GALNT17: variants seen among roughly 807,000 people sequenced by gnomAD.
GALNT17 encodes polypeptide N-acetylgalactosaminyltransferase 17.
Under a neutral mutation model 63.7 loss-of-function variants are expected in GALNT17, and 29 were observed. That is an observed-to-expected ratio of 0.46 (90% CI 0.34 to 0.62). The LOEUF (loss-of-function observed/expected upper bound fraction) is 0.62. Ranked by LOEUF, GALNT17 falls within the 20% of genes least tolerant of loss-of-function variation. The pLI is 0.01. For synonymous variants in GALNT17, 305 were observed against 318.3 expected (o/e 0.96, Z 0.45); for missense variants, 603 against 799.6 (o/e 0.75, Z 2.97).
At chr7:71,496,969 T>G (rs988200994) in intron 5 of GALNT17, among the ~76,000 whole-genome samples, 5 of 151,612 alleles carry the variant, frequency 3.3e-5, no homozygotes, top group African/African-American at 1.2e-4. Context: ...TCCCAGCTAC[T>G]CAGGAGGCTG....
intron 1 of GALNT17, among the ~76,000 whole-genome samples, chr7:71,176,117 T>C (rs1013131424): frequency 6.6e-6 from 1 of 152,042 alleles, no homozygotes; most frequent in Admixed American, 6.6e-5. Flanking sequence ...ACATGTGGCC[T>C]GGGATCCTTC....
rs550600734 is a variant in GALNT17, at chr7:71,524,268, A to G, written c.963-47017A>G. Reference sequence around the variant, plus strand: ...TAATAATATATATTATATTATATATAATTATATATTATCATATTAGTATAT... The same window carrying G: ...TAATAATATATATTATATTATATATGATTATATATTATCATATTAGTATAT... On this transcript the variant is annotated intron_variant, in intron 5 of 10. Coordinates refer to ENST00000333538, the MANE Select transcript of GALNT17 (RefSeq NM_022479.3). Among the ~76,000 whole-genome samples the G allele has an allele frequency of 6.4e-4, 95 of 147,664 alleles. 1 individual carries two copies. In the South Asian group the frequency reaches 0.02, roughly 31 times the overall value.
At chr7:71,525,002 G>A (rs995504203) in intron 5 of GALNT17, among the ~76,000 whole-genome samples, 3 of 151,986 alleles carry the variant, frequency 2.0e-5, no homozygotes, top group Non-Finnish European at 4.4e-5. Context: ...GTTTTTCTCC[G>A]ATACTTCTTT....
rs1325383544 is a variant in GALNT17 at position 71,471,424 on chromosome 7, C to CAAAAA, written c.962+50319_962+50320insAAAAA. Reference sequence around the variant, plus strand: ...CAAAAAAAAAAAAAAACAAAAAAAACCAAAAACCATATTTGGCTCTACAAA... The same window carrying CAAAAA: ...CAAAAAAAAAAAAAAACAAAAAAAACAAAAACAAAAACCATATTTGGCTCTACAAA... On this transcript the variant is annotated intron_variant, in intron 5 of 10. Transcript: ENST00000333538. 9.5e-4 allele frequency among the ~76,000 whole-genome samples: 126 copies of CAAAAA among 133,260 alleles called. 5 individuals are homozygous for CAAAAA. Among genetic ancestry groups the CAAAAA allele is most frequent in the East Asian group, 5.7e-3 (26 of 4,528 alleles). The allele number at this position is 133,260 out of a possible 152,430, so 87.4% of individuals were successfully genotyped here.
chr7:71,649,292 C>G (rs1790722576), intron 6 of GALNT17, among the ~76,000 whole-genome samples: 1 of 152,158 alleles, frequency 6.6e-6, no homozygotes, highest in Non-Finnish European at 1.5e-5. Context: ...TTAGGACCAC[C>G]AGTTTCAATT....
At chr7:71,337,001 A>AT (rs1369954153) in intron 2 of GALNT17, among the ~76,000 whole-genome samples, 4 of 151,672 alleles carry the variant, frequency 2.6e-5, no homozygotes, top group South Asian at 2.1e-4. Flanking sequence ...AGCATCTGTT[A>AT]TTTTTTTTAC....
intron 1 of GALNT17, among the ~76,000 whole-genome samples, chr7:71,270,383 G>A (rs1355555277): frequency 1.3e-5 from 2 of 151,732 alleles, no homozygotes; most frequent in African/African-American, 4.8e-5. Flanking sequence ...AAATTAGCTG[G>A]GCGTGGTGGT....
chr7:71,162,674 A>G (rs1353994678), intron 1 of GALNT17, among the ~76,000 whole-genome samples: 2 of 152,188 alleles, frequency 1.3e-5, no homozygotes, highest in Non-Finnish European at 2.9e-5. Context: ...TGCTTACTGA[A>G]CACCCAGTAT....
At chr7:71,422,290 A>G (rs1277380111) in intron 5 of GALNT17, among the ~76,000 whole-genome samples, 5 of 152,004 alleles carry the variant, frequency 3.3e-5, no homozygotes, top group Non-Finnish European at 5.9e-5. Context: ...TCATCACGTG[A>G]CCTTTTCCTC....
chr7:71,162,140 C>CCTTT (rs1788359146), intron 1 of GALNT17, among the ~76,000 whole-genome samples: 1 of 132,614 alleles, frequency 7.5e-6, no homozygotes, highest in Non-Finnish European at 1.6e-5. Context: ...TTCCTTCCTT[C>CCTTT]CTTCCTTCCT....
At chr7:71,530,713 G>A (rs1042670855) in intron 5 of GALNT17, among the ~76,000 whole-genome samples, 9 of 151,920 alleles carry the variant, frequency 5.9e-5, no homozygotes, top group Admixed American at 2.0e-4. Flanking sequence ...GACTACAGGC[G>A]CCCGCCTACA....
At chr7:71,404,060 T>G (rs1021796556) in intron 3 of GALNT17, among the ~76,000 whole-genome samples, 2 of 152,220 alleles carry the variant, frequency 1.3e-5, no homozygotes, top group Non-Finnish European at 2.9e-5. Context: ...AGGGGAATGC[T>G]CTTTTAAATT....
In GALNT17 at chr7:71,709,014, A is replaced by G. The variant is rs147303784; in HGVS notation, c.1501-1747A>G. ...CTTTGCTATTGTGAATAGTGCTGCA[A>G]TGAACGTGTAAGTGCATGTGTCTTT... On this transcript the variant is annotated intron_variant, in intron 9 of 10. Transcript: ENST00000333538. Among the ~76,000 whole-genome samples, 643 of 152,324 alleles carry G rather than the reference A, an allele frequency of 4.2e-3. 20 individuals are homozygous for G. The highest frequency in any genetic ancestry group is 0.033 in the Admixed American group (508 of 15,294).
chr7:71,216,270 C>G (rs1410470970), intron 1 of GALNT17, among the ~76,000 whole-genome samples: 1 of 152,084 alleles, frequency 6.6e-6, no homozygotes, highest in African/African-American at 2.4e-5. Flanking sequence ...CGTGATATAT[C>G]ATGCAGCTTC....
intron 9 of GALNT17, among the ~76,000 whole-genome samples, chr7:71,683,282 G>C (rs1791298499): frequency 6.6e-6 from 1 of 152,064 alleles, no homozygotes; most frequent in African/African-American, 2.4e-5. Context: ...CAGCTGCCAG[G>C]CGGTCCCTCT....
At chr7:71,389,681 C>A (rs1793013890) in intron 3 of GALNT17, among the ~76,000 whole-genome samples, 1 of 152,106 alleles carries the variant, frequency 6.6e-6, no homozygotes, top group South Asian at 2.1e-4. Context: ...CTGAATTCCT[C>A]CTCCACTCCC....
Position 71,405,612 on chromosome 7 carries a change from A to G in GALNT17, c.590-10277A>G, listed in dbSNP as rs148051970. Among the ~76,000 whole-genome samples the G allele has an allele frequency of 2.3e-3, 347 of 152,354 alleles. 3 individuals are homozygous for G. The highest frequency in any genetic ancestry group is 7.9e-3 in the African/African-American group (327 of 41,594). ...TAGACTGGGTAATTTATAAACAGTG[A>G]AATGTATTGCTCACAATTCAGGGGG... On this transcript the variant is annotated intron_variant, in intron 3 of 10. Transcript: ENST00000333538.
At chr7:71,166,583 G>A (rs1788444565) in intron 1 of GALNT17, among the ~76,000 whole-genome samples, 1 of 152,162 alleles carries the variant, frequency 6.6e-6, no homozygotes, top group Non-Finnish European at 1.5e-5. Flanking sequence ...TCTTTCTAGA[G>A]TTTAACATAC....
At position 71,701,881 on chromosome 7, in the gene GALNT17, G is replaced by A. The variant is rs1338486028; in HGVS notation, c.1501-8880G>A. 8.0e-4 allele frequency among the ~76,000 whole-genome samples: 72 copies of A among 90,048 alleles called. 3 individuals carry two copies. Among genetic ancestry groups the A allele is most frequent in the African/African-American group, 3.0e-3 (67 of 22,564 alleles). 59.1% of individuals were successfully genotyped at this position (90,048 alleles called of 152,430 possible). A position where few individuals can be genotyped will look rare whatever the true frequency, so the allele number is the denominator to read the frequency against. On this transcript the variant is annotated intron_variant, in intron 9 of 10. Transcript: ENST00000333538. ...CACATATATATATACATATATATAT[G>A]TATATATATATATACACATATATAT...
Sources: gnomAD v4.1 joint callset for allele counts (sites outside exome capture counted in the v4.1 genomes callset) on GRCh38, gnomAD v4.1.1 for gene constraint, MANE v1.5 for transcripts, NCBI Gene and HGNC (gene_info 2026-07-23, HGNC 2026-07-21) for gene names.